Variants in TRAPPC9 observed in about 807,000 individuals in gnomAD.
TRAPPC9 encodes the protein IKK2 binding protein.
A neutral mutation model predicts 124.0 loss-of-function variants in TRAPPC9; 83 were observed. The ratio of observed to expected loss-of-function variants is 0.67; its 90% CI spans 0.56 to 0.80. The LOEUF is 0.80. Among genes scored for constraint, TRAPPC9 ranks in the 30% least tolerant of loss-of-function variants. The pLI is 0.00. For missense variants in TRAPPC9, 1,302 were observed against 1,508.3 expected (o/e 0.86, Z 2.27); for synonymous variants, 638 against 617.5 (o/e 1.03, Z -0.49).
At chr8:139,943,887 G>A (rs561396553) in intron 19 of TRAPPC9, among the ~76,000 whole-genome samples, 15 of 152,042 alleles carry the variant, frequency 9.9e-5, no homozygotes, top group Admixed American at 5.9e-4. Context: ...TGAGCAGCTA[G>A]GAAAAAAACA....
At chr8:140,041,894 C>G (rs1587570108) in intron 17 of TRAPPC9, among the ~76,000 whole-genome samples, 1 of 152,162 alleles carries the variant, frequency 6.6e-6, no homozygotes, top group East Asian at 1.9e-4. Context: ...ATTGCTTGAA[C>G]CCAGGGGTGG....
intron 17 of TRAPPC9, among the ~76,000 whole-genome samples, chr8:140,069,196 A>C (rs1843016070): frequency 6.6e-6 from 1 of 152,192 alleles, no homozygotes; most frequent in African/African-American, 2.4e-5. Flanking sequence ...AGAAGAAAAC[A>C]TATTCAATTG....
intron 7 of TRAPPC9, among the ~76,000 whole-genome samples, chr8:140,387,773 G>C (rs1330247876): frequency 6.6e-6 from 1 of 152,210 alleles, no homozygotes; most frequent in African/African-American, 2.4e-5. Flanking sequence ...TACACTGTTG[G>C]TGGGACTGTA....
chr8:140,176,648 G>A (rs965006820), intron 17 of TRAPPC9, among the ~76,000 whole-genome samples: 1 of 152,192 alleles, frequency 6.6e-6, no homozygotes, highest in Admixed American at 6.5e-5. Flanking sequence ...GAGTGAATCC[G>A]TGTTTTCATT....
At chr8:140,107,123 A>G (rs918019261) in intron 17 of TRAPPC9, among the ~76,000 whole-genome samples, 2 of 152,134 alleles carry the variant, frequency 1.3e-5, no homozygotes, top group Non-Finnish European at 2.9e-5. Flanking sequence ...AAAATACAGC[A>G]AGGACCACCA....
At chr8:140,397,483 T>C in intron 7 of TRAPPC9, 137 bp downstream of exon 7, 1 of 986,822 alleles carries the variant, frequency 1.0e-6, no homozygotes, top group Non-Finnish European at 1.6e-6. Flanking sequence ...CCATGTTAAT[T>C]AGAAATCAAG....
intron 5 of TRAPPC9, among the ~76,000 whole-genome samples, chr8:140,426,147 T>C (rs547925385): frequency 6.6e-6 from 1 of 152,330 alleles, no homozygotes; most frequent in South Asian, 2.1e-4. Context: ...TTTGCTGTAT[T>C]AATTACAGAA....
chr8:139,888,022 G>T (rs1197746384), intron 20 of TRAPPC9, among the ~76,000 whole-genome samples: 1 of 152,194 alleles, frequency 6.6e-6, no homozygotes, highest in East Asian at 1.9e-4. Flanking sequence ...CCTGCTGATG[G>T]CTTCTGCACA....
chr8:140,021,738 A>T (rs180876167), intron 18 of TRAPPC9, among the ~76,000 whole-genome samples: 1 of 152,346 alleles, frequency 6.6e-6, no homozygotes, highest in Non-Finnish European at 1.5e-5. Flanking sequence ...CACTCTGGTA[A>T]GTGCATTATC....
At chr8:140,157,627 C>A (rs1194561644) in intron 17 of TRAPPC9, among the ~76,000 whole-genome samples, 1 of 152,086 alleles carries the variant, frequency 6.6e-6, no homozygotes, top group East Asian at 1.9e-4. Flanking sequence ...ATGAGTGAAA[C>A]TCTCAGATAC....
chr8:140,332,702 T>C (rs1339021510), intron 9 of TRAPPC9, among the ~76,000 whole-genome samples: 1 of 152,160 alleles, frequency 6.6e-6, no homozygotes, highest in Non-Finnish European at 1.5e-5. Context: ...AATGGTTAGA[T>C]AAACTATGGT....
chr8:139,909,643 T>G (rs1831580576), intron 20 of TRAPPC9, among the ~76,000 whole-genome samples: 1 of 152,248 alleles, frequency 6.6e-6, no homozygotes, highest in Admixed American at 6.5e-5. Flanking sequence ...CAGCCATTGA[T>G]CCAAAGTTCA....
At chr8:140,098,197 A>G (rs1467286992) in intron 17 of TRAPPC9, 2 of 150,820 alleles carry the variant, frequency 1.3e-5, no homozygotes, top group Non-Finnish European at 2.9e-5. Flanking sequence ...CGCCCGGGTC[A>G]TCCGCAGCCA....
intron 21 of TRAPPC9, among the ~76,000 whole-genome samples, chr8:139,827,972 C>G (rs1026447180): frequency 2.0e-5 from 3 of 152,150 alleles, no homozygotes; most frequent in African/African-American, 7.2e-5. Context: ...CCAAATCTTA[C>G]GTGAACTCAC....
chr8:140,001,538 C>T (rs1362806297), intron 18 of TRAPPC9, among the ~76,000 whole-genome samples: 3 of 151,912 alleles, frequency 2.0e-5, no homozygotes, highest in South Asian at 4.2e-4. Flanking sequence ...TTAAAAAGAT[C>T]AATGTAATTG....
rs62643729 is a variant in TRAPPC9, at chr8:139,752,510, C to T, written c.3056-20308G>A. Reference sequence around the variant, plus strand: ...CCCATGTATCCACCCATCTACCATCCATCCAACATCTACCCATCCATCCAT... The same window carrying T: ...CCCATGTATCCACCCATCTACCATCTATCCAACATCTACCCATCCATCCAT... On this transcript the variant is annotated intron_variant, in intron 21 of 22. Transcript: ENST00000438773. Among the ~76,000 whole-genome samples, 1,265 of 151,804 alleles carry T rather than the reference C, an allele frequency of 8.3e-3. 8 individuals carry two copies. Among genetic ancestry groups the T allele is most frequent in the Non-Finnish European group, 0.014 (926 of 67,908 alleles).
chr8:139,798,884 T>C (rs1056259437), intron 21 of TRAPPC9, among the ~76,000 whole-genome samples: 1 of 152,204 alleles, frequency 6.6e-6, no homozygotes. Context: ...CGAGTCAAGG[T>C]GTCGGCGGGG....
intron 21 of TRAPPC9, among the ~76,000 whole-genome samples, chr8:139,757,116 C>T (rs532463443): frequency 1.6e-5 from 2 of 124,518 alleles, no homozygotes; most frequent in African/African-American, 3.2e-5. Flanking sequence ...GACAGCATGT[C>T]GCAGGAGGAG....
At chr8:140,066,372 C>T (rs768863240) in intron 17 of TRAPPC9, among the ~76,000 whole-genome samples, 3 of 152,072 alleles carry the variant, frequency 2.0e-5, no homozygotes, top group Non-Finnish European at 2.9e-5. Context: ...CTGAAGATGC[C>T]GATGGTCATC....
Sources: gnomAD v4.1 joint callset for allele counts (sites outside exome capture counted in the v4.1 genomes callset) on GRCh38, gnomAD v4.1.1 for gene constraint, MANE v1.5 for transcripts, NCBI Gene and HGNC (gene_info 2026-07-23, HGNC 2026-07-21) for gene names.